Variants in LRP4 observed in about 807,000 individuals in gnomAD.
The protein encoded by LRP4 is low-density lipoprotein receptor-related protein 4.
A neutral mutation model predicts 220.3 loss-of-function variants in LRP4; 95 were observed. That is an observed-to-expected ratio of 0.43 (90% CI 0.37 to 0.51). LRP4 has a LOEUF of 0.51. LRP4 is among the 20% of genes least tolerant of loss of function. The probability of loss-of-function intolerance (pLI) is 0.00; values close to 1 mark genes in which losing one functional copy is unlikely to be tolerated. For missense variants in LRP4, 1,925 were observed against 2,567.0 expected (o/e 0.75, Z 5.40); for synonymous variants, 903 against 954.6 (o/e 0.95, Z 1.00).
At position 46,890,754 on chromosome 11, in the gene LRP4, CCTAA is replaced by C. The variant is rs1458590223; in HGVS notation, c.1698-264_1698-261del. The stretch of plus-strand genomic sequence containing the variant: ...CTTCTGAGCAGCTAGTATCGCTACA[CCTAA>C]CTAATTTTTTTTTGTAGTAGAGATG... On this transcript the variant is annotated intron_variant, in intron 13 of 37. Coordinates refer to ENST00000378623, the MANE Select transcript of LRP4 (RefSeq NM_002334.4). The surrounding 1 kb of genome is among the most constrained non-coding windows in gnomAD (Gnocchi z 5.3). 1.3e-5 allele frequency among the ~76,000 whole-genome samples: 2 copies of C among 151,922 alleles called. No homozygotes were observed. Among genetic ancestry groups the C allele is most frequent in the Admixed American group, 6.6e-5 (1 of 15,252 alleles).
intron 16 of LRP4, 143 bp downstream of exon 16, chr11:46,889,268 G>A: frequency 8.9e-7 from 1 of 1,125,890 alleles, no homozygotes; most frequent in South Asian, 1.3e-5. Context: ...AGATCCCTCA[G>A]CCTCTTAAGT....
intron 13 of LRP4, among the ~76,000 whole-genome samples, chr11:46,891,195 C>A (rs12364836): frequency 6.6e-6 from 1 of 152,028 alleles, no homozygotes; most frequent in East Asian, 1.9e-4. Flanking sequence ...CTCACTGCAA[C>A]CTCCACCTCC....
At position 46,877,280 on chromosome 11, in the gene LRP4, T is replaced by C; in HGVS notation, c.3196A>G (p.Ile1066Val). The C allele has an allele frequency of 1.2e-6, 2 of 1,614,034 alleles. No homozygotes were observed. The highest frequency in any genetic ancestry group is 1.7e-5 in the Admixed American group (1 of 60,004). ...RIDIRMVSLDIPYFADVVVPI... is the reference protein window; with the variant it reads ...RIDIRMVSLDVPYFADVVVPI... ...ACCACCACATCAGCAAAATAAGGGA[T>C]GTCCAGGGAGACCATGCGAATGTCT... The change falls in exon 23 of 38, where the codon ATC becomes GTC. Residue 1066 changes from isoleucine (I) to valine (V), a missense_variant. Transcript: ENST00000378623.
In LRP4 at chr11:46,899,386, C is replaced by G; in HGVS notation, c.547+1G>C. 1 of 1,611,796 alleles carries G rather than the reference C, an allele frequency of 6.2e-7. No individual in the cohort carries two copies. The highest frequency in any genetic ancestry group is 8.5e-7 in the Non-Finnish European group (1 of 1,177,890). On this transcript the variant is annotated splice_donor_variant, in intron 5 of 37. Transcript: ENST00000378623. LOFTEE classifies it high-confidence loss of function. This position sits in a 1 kb window ranked among gnomAD's most constrained non-coding sequence, Gnocchi z 5.9. ...ACAGCCTGAGGTCTGGGGCCACTCA[C>G]GACAGTTCTCCTCATCGGAGCCATC...
At chr11:46,876,700 C>G (rs2134800591) in intron 24 of LRP4, 44 bp downstream of exon 24, 1 of 1,614,104 alleles carries the variant, frequency 6.2e-7, no homozygotes, top group Admixed American at 1.7e-5. Flanking sequence ...TTTCCCCAGC[C>G]CTGTTGCCAG....
At position 46,857,901 on chromosome 11, in the gene LRP4, AG is replaced by A. The variant is rs1386363764; in HGVS notation, c.*1081del. On this transcript the variant is annotated 3_prime_UTR_variant, in exon 38 of 38. Coordinates refer to ENST00000378623, the MANE Select transcript of LRP4 (RefSeq NM_002334.4). Reference sequence around the variant, plus strand: ...TGAGAAAGAACATAGGAAGTTCAACAGGAAGTTTGACCCTCATGGATACTTC... The same window carrying A: ...TGAGAAAGAACATAGGAAGTTCAACAGAAGTTTGACCCTCATGGATACTTC... The A allele has an allele frequency of 6.6e-6, 1 of 152,660 alleles. No homozygotes were observed. Among genetic ancestry groups the A allele is most frequent in the Non-Finnish European group, 1.5e-5 (1 of 68,038 alleles). 9.5% of individuals were successfully genotyped at this position (152,660 alleles called of 1,614,324 possible). A position where few individuals can be genotyped will look rare whatever the true frequency, so the allele number is the denominator to read the frequency against.
intron 16 of LRP4, among the ~76,000 whole-genome samples, chr11:46,888,235 G>A (rs1284610493): frequency 8.4e-6 from 1 of 119,108 alleles, no homozygotes; most frequent in Non-Finnish European, 1.7e-5. Context: ...GGCAGGAGAA[G>A]CACTTGAACC....
chr11:46,889,666 C>A, intron 15 of LRP4, 133 bp from the exon 16 acceptor site: 1 of 1,237,236 alleles, frequency 8.1e-7, no homozygotes, highest in Non-Finnish European at 1.2e-6. Context: ...TGACATCTGC[C>A]CCTGCTGCTA....
chr11:46,889,860 TA>T, intron 15 of LRP4, 83 bp downstream of exon 15: 1 of 1,488,856 alleles, frequency 6.7e-7, no homozygotes, highest in Non-Finnish European at 9.4e-7. Context: ...ATGGCAACTC[TA>T]AGGGGAAGGA....
chr11:46,911,608 A>AAG (rs60596634), intron 1 of LRP4, among the ~76,000 whole-genome samples: 23,902 of 139,780 alleles, frequency 0.17, 4,235 homozygotes, highest in African/African-American at 0.43. Context: ...AAATAAATAA[A>AAG]TAAATAAAAA....
In LRP4 at chr11:46,876,750, TG is replaced by T; in HGVS notation, c.3357del (p.Thr1120ProfsTer73). 6.2e-7 allele frequency: 1 copy of T among 1,614,130 alleles called. No homozygotes were observed. Among genetic ancestry groups the T allele is most frequent in the Non-Finnish European group, 8.5e-7 (1 of 1,180,022 alleles). ...GGCTAGGAGGAAGGCCCACCTGTGG[TG>T]ATGATGTCCTCATGCTGTGAGCCAT... ...NLDGSQHEDI[I>X]TTGLQTTDGL... On this transcript the variant is annotated frameshift_variant, in exon 24 of 38. Coordinates refer to ENST00000378623, the MANE Select transcript of LRP4 (RefSeq NM_002334.4). LOFTEE classifies it high-confidence loss of function.
rs1941637321 is a variant in LRP4, at chr11:46,900,195, T to C, written c.316+67A>G. 6 of 1,260,824 alleles carry C rather than the reference T, an allele frequency of 4.8e-6. 1 individual carries two copies. In the South Asian group the frequency reaches 7.1e-5, roughly 15 times the overall value. 78.1% of individuals were successfully genotyped at this position (1,260,824 alleles called of 1,614,324 possible). A position where few individuals can be genotyped will look rare whatever the true frequency, so the allele number is the denominator to read the frequency against. On this transcript the variant is annotated intron_variant, in intron 3 of 37. Transcript: ENST00000378623. ...GGCTCATGTGGACCTGGGGCATTGC[T>C]TTCTGATTGAAAATCCTTTCCCAGT...
chr11:46,882,445 C>G (rs1941183238), intron 19 of LRP4, among the ~76,000 whole-genome samples: 2 of 151,282 alleles, frequency 1.3e-5, no homozygotes, highest in Admixed American at 1.3e-4. Context: ...CCACTGCACT[C>G]CAGCCTGGGC....
rs1941593696 is a variant in LRP4 at position 46,898,548 on chromosome 11, C to T, written c.796+10G>A. 1.2e-6 allele frequency: 2 copies of T among 1,613,902 alleles called. No homozygotes were observed. The highest frequency in any genetic ancestry group is 1.7e-6 in the Non-Finnish European group (2 of 1,180,000). ...GTTCAAGCCCAACCTAATTCCATTT[C>T]CCCACTCACTGCAGTTGCGCTCATC... On this transcript the variant is annotated intron_variant, in intron 7 of 37. Coordinates refer to ENST00000378623, the MANE Select transcript of LRP4 (RefSeq NM_002334.4).
At chr11:46,871,424 C>A in intron 31 of LRP4, 101 bp downstream of exon 31, 1 of 857,456 alleles carries the variant, frequency 1.2e-6, no homozygotes, top group Non-Finnish European at 2.0e-6. Flanking sequence ...GCTGCAATAG[C>A]ACGTCTGTTC....
At position 46,862,896 on chromosome 11, in the gene LRP4, C is replaced by T. The variant is rs72897626; in HGVS notation, c.5244-149G>A. ...CTCATGCCCTTAAGAATCCCCTCCC[C>T]TTGAGTGTGGACTGTTCTGGTGACT... On this transcript the variant is annotated intron_variant, in intron 36 of 37. Transcript: ENST00000378623. 0.084 allele frequency: 59,889 copies of T among 712,714 alleles called. 3,420 individuals are homozygous for T. The highest frequency in any genetic ancestry group is 0.15 in the Middle Eastern group (639 of 4,174). 44.1% of individuals were successfully genotyped at this position (712,714 alleles called of 1,614,324 possible).
In LRP4 at chr11:46,901,968, C is replaced by T. The variant is rs190031262; in HGVS notation, c.199+815G>A. The stretch of plus-strand genomic sequence containing the variant: ...CAGGATGGTCTCGATTTCCTGACCT[C>T]GTGATCTGCCCACCTCAGCCTCCCA... On this transcript the variant is annotated intron_variant, in intron 2 of 37. Transcript: ENST00000378623. Among the ~76,000 whole-genome samples the T allele has an allele frequency of 3.7e-3, 566 of 151,882 alleles. 1 individual carries two copies. Among genetic ancestry groups the T allele is most frequent in the African/African-American group, 0.013 (529 of 41,502 alleles).
In LRP4 at chr11:46,864,555, A is replaced by T; in HGVS notation, c.5156-20T>A. 4 of 1,539,942 alleles carry T rather than the reference A, an allele frequency of 2.6e-6. No individual in the cohort carries two copies. Among genetic ancestry groups the T allele is most frequent in the Non-Finnish European group, 3.6e-6 (4 of 1,112,752 alleles). On this transcript the variant is annotated intron_variant, in intron 35 of 37. Coordinates refer to ENST00000378623, the MANE Select transcript of LRP4 (RefSeq NM_002334.4). ...CTTCCCCTAGGAAGAATAGAGAAAC[A>T]CTAGGCAGGGGCCACCGACAACTTT...
Position 46,918,384 on chromosome 11 carries a change from C to T in LRP4, c.-5G>A, listed in dbSNP as rs886048357. ...CGCGCCCCACTGCCGCCTCATGGTGCCGCCCGCGCCGCTCGCCCGGGGTCC... is the reference window on the plus strand; with the variant it reads ...CGCGCCCCACTGCCGCCTCATGGTGTCGCCCGCGCCGCTCGCCCGGGGTCC... On this transcript the variant is annotated 5_prime_UTR_variant, in exon 1 of 38. Coordinates refer to ENST00000378623, the MANE Select transcript of LRP4 (RefSeq NM_002334.4). The surrounding 1 kb of genome is among the most constrained non-coding windows in gnomAD (Gnocchi z 6.0). The T allele has an allele frequency of 4.9e-6, 7 of 1,432,034 alleles. No individual in the cohort carries two copies. The South Asian group carries it at 8.3e-5, about 17-fold the overall frequency. The allele number at this position is 1,432,034 out of a possible 1,614,324, so 88.7% of individuals were successfully genotyped here.
Sources: gnomAD v4.1 joint callset for allele counts (sites outside exome capture counted in the v4.1 genomes callset) on GRCh38, gnomAD v4.1.1 for gene constraint, Gnocchi (gnomAD v3.1) non-coding constraint, MANE v1.5 for transcripts, NCBI Gene and HGNC (gene_info 2026-07-23, HGNC 2026-07-21) for gene names.